The following UBE2J2 variants were observed in gnomAD, a reference collection of about 807,000 sequenced individuals.
UBE2J2 encodes the protein ubiquitin conjugating enzyme E2 J2.
UBE2J2 carries 5 observed loss-of-function variants against 28.6 expected under a neutral mutation model. The ratio of observed to expected loss-of-function variants is 0.17; its 90% confidence interval spans 0.09 to 0.37. The LOEUF (loss-of-function observed/expected upper bound fraction) is 0.37, where lower values mean the gene tolerates loss of function less well. Among genes scored for constraint, UBE2J2 ranks in the 10% least tolerant of loss-of-function variants. The probability of loss-of-function intolerance (pLI) is 1.00; values close to 1 mark genes in which losing one functional copy is unlikely to be tolerated. For missense variants in UBE2J2, 226 were observed against 338.9 expected (o/e 0.67, Z 2.62); for synonymous variants, 138 against 139.7 (o/e 0.99, Z 0.09).
intron 3 of UBE2J2, among the ~76,000 whole-genome samples, chr1:1,259,474 G>A (rs895364949): frequency 2.0e-5 from 3 of 152,192 alleles, no homozygotes; most frequent in Non-Finnish European, 2.9e-5. Flanking sequence ...AAATCGCCAC[G>A]GGCTCTTCTG....
chr1:1,263,552 C>CGGTAGAAGAGACGGGGGTTTT, intron 2 of UBE2J2, 166 bp from the exon 3 acceptor site: 1 of 646,728 alleles, frequency 1.5e-6, no homozygotes, highest in Non-Finnish European at 2.8e-6. Flanking sequence ...TCAAAACCCC[C>CGGTAGAAGAGACGGGGGTTTT]GTCTCTTCTA....
intron 3 of UBE2J2, among the ~76,000 whole-genome samples, chr1:1,259,599 C>CT: frequency 6.6e-6 from 1 of 152,326 alleles, no homozygotes; most frequent in South Asian, 2.1e-4. Context: ...CTAGGCTGGA[C>CT]TTTCTCTGAC....
chr1:1,263,831 TAA>T (rs78118405), intron 2 of UBE2J2, among the ~76,000 whole-genome samples: 1 of 147,082 alleles, frequency 6.8e-6, no homozygotes, highest in Admixed American at 6.8e-5. Flanking sequence ...CACCTTTATT[TAA>T]AAAAAAAAAG....
chr1:1,267,971 T>G lies in UBE2J2; in HGVS notation c.22A>C (p.Arg8=). The change falls in exon 2 of 7, where the codon AGG becomes CGG. Residue 8 remains arginine (R), a synonymous_variant. Coordinates refer to ENST00000349431, the MANE Select transcript of UBE2J2 (RefSeq NM_058167.3). ...CTCTGGGTTGCCGTGGTCGGAGCCC[T>G]CTTACTGCTGGTGCTGCTCATCTGT... MSSTSSK[R]APTTATQRLK... The G allele has an allele frequency of 6.2e-7, 1 of 1,614,012 alleles. No individual in the cohort carries two copies. Among genetic ancestry groups the G allele is most frequent in the African/African-American group, 1.3e-5 (1 of 75,030 alleles).
At chr1:1,256,178 G>A in intron 5 of UBE2J2, 53 bp from the exon 6 acceptor site, 1 of 1,363,364 alleles carries the variant, frequency 7.3e-7, no homozygotes, top group Non-Finnish European at 1.0e-6. Flanking sequence ...ATTCTTTCAA[G>A]ATTCTAAAAA....
Position 1,271,974 on chromosome 1 carries a change from C to CAAAAAAA in UBE2J2, c.-1+1685_-1+1691dup, listed in dbSNP as rs60924258. On this transcript the variant is annotated intron_variant, in intron 1 of 6. Transcript: ENST00000349431. The stretch of plus-strand genomic sequence containing the variant: ...GGGCAACAAGAGCGAAACTCCGTCT[C>CAAAAAAA]AAAAAAAAAAAAAAAAAAAAAAAAA... 4.1e-3 allele frequency among the ~76,000 whole-genome samples: 113 copies of CAAAAAAA among 27,594 alleles called. 7 individuals are homozygous for CAAAAAAA. Among genetic ancestry groups the CAAAAAAA allele is most frequent in the East Asian group, 9.9e-3 (5 of 506 alleles). The allele number at this position is 27,594 out of a possible 152,430, so 18.1% of individuals were successfully genotyped here. A position where few individuals can be genotyped will look rare whatever the true frequency, so the allele number is the denominator to read the frequency against.
At chr1:1,258,396 C>A (rs1353399161) in intron 3 of UBE2J2, among the ~76,000 whole-genome samples, 1 of 152,168 alleles carries the variant, frequency 6.6e-6, no homozygotes, top group African/African-American at 2.4e-5. Context: ...CCACTCCTGG[C>A]TCCGCCTCTC....
At chr1:1,260,603 A>C (rs1179473018) in intron 3 of UBE2J2, among the ~76,000 whole-genome samples, 1 of 152,190 alleles carries the variant, frequency 6.6e-6, no homozygotes, top group South Asian at 2.1e-4. Context: ...GCACCAGATG[A>C]AAATCAGGAA....
chr1:1,273,776 G>C lies in UBE2J2; in HGVS notation c.-111C>G, dbSNP rs985004832. ...GCGCCCGAAACAGCCGCACCGCCCCGGGATTGGGCCCACCGAACCCGCCGC... is the reference window on the plus strand; with the variant it reads ...GCGCCCGAAACAGCCGCACCGCCCCCGGATTGGGCCCACCGAACCCGCCGC... On this transcript the variant is annotated 5_prime_UTR_variant, in exon 1 of 7. Coordinates refer to ENST00000349431, the MANE Select transcript of UBE2J2 (RefSeq NM_058167.3). 5.9e-5 allele frequency: 9 copies of C among 152,892 alleles called. No individual in the cohort carries two copies. The highest frequency in any genetic ancestry group is 2.2e-4 in the African/African-American group (9 of 41,338). The allele number at this position is 152,892 out of a possible 1,614,324, so 9.5% of individuals were successfully genotyped here.
intron 2 of UBE2J2, among the ~76,000 whole-genome samples, chr1:1,267,386 G>A (rs1228677502): frequency 2.0e-5 from 3 of 152,202 alleles, no homozygotes; most frequent in Non-Finnish European, 2.9e-5. Flanking sequence ...GGACAGGAGT[G>A]TCGGACCCTA....
chr1:1,262,487 G>T (rs116082107), intron 3 of UBE2J2: 10 of 345,422 alleles, frequency 2.9e-5, no homozygotes, highest in South Asian at 2.1e-4. Flanking sequence ...CAACCCTCCC[G>T]ACAGTCCAAA....
rs1570576741 is a variant in UBE2J2, at chr1:1,268,051, C to T, written c.1-59G>A. On this transcript the variant is annotated intron_variant, in intron 1 of 6. Coordinates refer to ENST00000349431, the MANE Select transcript of UBE2J2 (RefSeq NM_058167.3). This position sits in a 1 kb window ranked among gnomAD's most constrained non-coding sequence, Gnocchi z 4.7. Reference sequence around the variant, plus strand: ...AGCAGCGCCGGCCACAGCTCTCTCCCCTGGCGCAGCCCCACTCCCGCCTCT... The same window carrying T: ...AGCAGCGCCGGCCACAGCTCTCTCCTCTGGCGCAGCCCCACTCCCGCCTCT... The T allele has an allele frequency of 6.9e-6, 11 of 1,594,228 alleles. No homozygotes were observed. The highest frequency in any genetic ancestry group is 4.0e-5 in the African/African-American group (3 of 74,684).
chr1:1,266,841 T>C (rs940129575), intron 2 of UBE2J2, among the ~76,000 whole-genome samples: 11 of 152,122 alleles, frequency 7.2e-5, no homozygotes, highest in African/African-American at 2.4e-4. Context: ...TAATAATAAG[T>C]AATTTTTTTT....
At chr1:1,273,308 G>A (rs145760569) in intron 1 of UBE2J2, 1 of 152,380 alleles carries the variant, frequency 6.6e-6, no homozygotes, top group East Asian at 1.9e-4. Flanking sequence ...TAACAGTTCA[G>A]GGGCGAGGCG....
intron 3 of UBE2J2, among the ~76,000 whole-genome samples, chr1:1,257,640 AC>A (rs1167468493): frequency 6.7e-6 from 1 of 148,954 alleles, no homozygotes; most frequent in Non-Finnish European, 1.5e-5. Context: ...GTCCACACAC[AC>A]CCCCACCAGG....
intron 2 of UBE2J2, among the ~76,000 whole-genome samples, chr1:1,265,159 G>A (rs1570567151): frequency 6.6e-6 from 1 of 152,150 alleles, no homozygotes; most frequent in East Asian, 1.9e-4. Context: ...CCTTGGGGCG[G>A]CTGAGAGAAG....
Position 1,267,856 on chromosome 1 carries a change from C to A in UBE2J2, c.131+6G>T. On this transcript the variant is annotated splice_donor_region_variant and intron_variant, in intron 2 of 6. Transcript: ENST00000349431. ...GCGCAGGGCGATCAGTGGCGCGGAG[C>A]CTTACCACTCGAGAATATTCGAAGG... The A allele has an allele frequency of 1.2e-6, 2 of 1,613,704 alleles. No individual in the cohort carries two copies. The highest frequency in any genetic ancestry group is 1.7e-6 in the Non-Finnish European group (2 of 1,179,768).
In UBE2J2 at chr1:1,256,861, T is replaced by G. The variant is rs1035713513; in HGVS notation, c.414+131A>C. The G allele has an allele frequency of 4.4e-6, 4 of 913,968 alleles. No individual in the cohort carries two copies. The South Asian group carries it at 1.1e-4, about 26-fold the overall frequency. 56.6% of individuals were successfully genotyped at this position (913,968 alleles called of 1,614,324 possible). On this transcript the variant is annotated intron_variant, in intron 5 of 6. Coordinates refer to ENST00000349431, the MANE Select transcript of UBE2J2 (RefSeq NM_058167.3). ...GAGATTGCGCCACTGCACTCCAGCC[T>G]GGAGACACAGCGAGACTCCGTCTCA...
chr1:1,264,003 G>A (rs539169809), intron 2 of UBE2J2, among the ~76,000 whole-genome samples: 2 of 152,250 alleles, frequency 1.3e-5, no homozygotes, highest in South Asian at 2.1e-4. Flanking sequence ...AAGAAAAAAC[G>A]ATGTACTTTG....
Sources: allele counts gnomAD v4.1 joint callset (sites outside exome capture counted in the v4.1 genomes callset), GRCh38; gene constraint gnomAD v4.1.1; non-coding constraint Gnocchi (gnomAD v3.1); transcripts MANE v1.5; gene names NCBI Gene and HGNC (gene_info 2026-07-23, HGNC 2026-07-21).